SORCS1: variants seen among roughly 807,000 people sequenced by gnomAD.
SORCS1 encodes VPS10 domain-containing receptor SorCS1.
A neutral mutation model predicts 146.1 loss-of-function variants in SORCS1; 60 were observed. The observed-to-expected ratio is 0.41, with a 90% CI of 0.33 to 0.51. SORCS1 has a LOEUF of 0.51. Ranked by LOEUF, SORCS1 falls within the 20% of genes least tolerant of loss-of-function variation. The pLI, the probability that SORCS1 is intolerant of heterozygous loss-of-function variation, is 0.21. For missense variants in SORCS1, 1,352 were observed against 1,487.6 expected, an observed-to-expected ratio of 0.91 and a Z score of 1.50; for synonymous variants, 637 against 584.0, an observed-to-expected ratio of 1.09 and a Z score of -1.31.
chr10:106,987,449 T>C (rs1442852659), intron 1 of SORCS1, among the ~76,000 whole-genome samples: 4 of 152,236 alleles, frequency 2.6e-5, no homozygotes, highest in Non-Finnish European at 5.9e-5. Flanking sequence ...CTAACTTCCA[T>C]GGCTTCTTCA....
At chr10:107,018,025 C>T (rs1957970174) in intron 1 of SORCS1, among the ~76,000 whole-genome samples, 1 of 152,052 alleles carries the variant, frequency 6.6e-6, no homozygotes, top group South Asian at 2.1e-4. Flanking sequence ...GAGACAGGTG[C>T]CCACCCTATA....
chr10:106,730,117 A>C lies in SORCS1; in HGVS notation c.960-3T>G, dbSNP rs760978431. The C allele has an allele frequency of 2.5e-6, 4 of 1,613,906 alleles. No homozygotes were observed. Among genetic ancestry groups the C allele is most frequent in the Non-Finnish European group, 3.4e-6 (4 of 1,179,810 alleles). On this transcript the variant is annotated splice_polypyrimidine_tract_variant and splice_region_variant and intron_variant, in intron 5 of 25. Coordinates refer to ENST00000263054, the MANE Select transcript of SORCS1 (RefSeq NM_052918.5). ...CTTTATTTGACCCCATCACAGACCT[A>C]AAAAATGGAGAAACATGAAAAGAAA... is the stretch of plus-strand genomic sequence containing the variant.
intron 1 of SORCS1, among the ~76,000 whole-genome samples, chr10:107,091,991 A>G (rs1353439064): frequency 6.6e-6 from 1 of 152,238 alleles, no homozygotes; most frequent in African/African-American, 2.4e-5. Flanking sequence ...GAGTACCTAC[A>G]GGACCAAAAC....
intron 21 of SORCS1, among the ~76,000 whole-genome samples, chr10:106,615,534 C>A (rs1018203037): frequency 3.9e-5 from 6 of 152,122 alleles, no homozygotes; most frequent in Non-Finnish European, 7.3e-5. Context: ...GATCATGGAA[C>A]CAGGTGTGGT....
At chr10:106,642,438 G>C (rs1352557609) in intron 18 of SORCS1, among the ~76,000 whole-genome samples, 2 of 152,104 alleles carry the variant, frequency 1.3e-5, no homozygotes, top group Non-Finnish European at 2.9e-5. Context: ...GAAGATCCCT[G>C]TTTTTATAAA....
chr10:107,164,326 G>A lies in SORCS1; in HGVS notation c.201C>T (p.Ala67=). The A allele has an allele frequency of 1.9e-6, 3 of 1,553,840 alleles. No individual in the cohort carries two copies. The highest frequency in any genetic ancestry group is 2.6e-6 in the Non-Finnish European group (3 of 1,152,960). ...SHQGRPGRAP[A]TPLPLVVRPL... Reference sequence around the variant, plus strand: ...GACGCACTACGAGGGGCAGGGGCGTGGCAGGAGCCCTGCCTGGCCGCCCCT... The same window carrying A: ...GACGCACTACGAGGGGCAGGGGCGTAGCAGGAGCCCTGCCTGGCCGCCCCT... The change falls in exon 1 of 26, where the codon GCC becomes GCT. Residue 67 remains alanine, a synonymous_variant. Transcript: ENST00000263054. The surrounding 1 kb of genome is among the most constrained non-coding windows in gnomAD (Gnocchi z 6.8).
chr10:106,800,070 C>G (rs1280505581), intron 3 of SORCS1, among the ~76,000 whole-genome samples: 1 of 152,126 alleles, frequency 6.6e-6, no homozygotes, highest in Non-Finnish European at 1.5e-5. Flanking sequence ...TCAGAATTGT[C>G]TGCCTGCCCT....
chr10:106,850,065 T>G (rs2137260147), intron 2 of SORCS1, among the ~76,000 whole-genome samples: 1 of 152,162 alleles, frequency 6.6e-6, no homozygotes, highest in South Asian at 2.1e-4. Context: ...CCCCCAGAGG[T>G]GGAGTGTACA....
At chr10:106,980,378 T>C (rs1180218695) in intron 1 of SORCS1, among the ~76,000 whole-genome samples, 1 of 152,248 alleles carries the variant, frequency 6.6e-6, no homozygotes, top group Non-Finnish European at 1.5e-5. Context: ...CCAAGTTTGA[T>C]GACTTTTAGT....
chr10:106,825,228 A>ACAT (rs752678925), intron 3 of SORCS1, among the ~76,000 whole-genome samples: 22 of 151,786 alleles, frequency 1.4e-4, no homozygotes, highest in Non-Finnish European at 2.6e-4. Flanking sequence ...GGCAGAATAC[A>ACAT]CATCAACTCA....
At chr10:107,101,388 A>G (rs1042305673) in intron 1 of SORCS1, among the ~76,000 whole-genome samples, 1 of 152,204 alleles carries the variant, frequency 6.6e-6, no homozygotes, top group Non-Finnish European at 1.5e-5. Context: ...ACTATGTGAC[A>G]ATCAATGAAC....
chr10:106,613,130 C>T (rs1847119964), intron 21 of SORCS1, among the ~76,000 whole-genome samples: 9 of 151,916 alleles, frequency 5.9e-5, no homozygotes. Flanking sequence ...CATTCTATTG[C>T]TATCGTTTGT....
intron 1 of SORCS1, among the ~76,000 whole-genome samples, chr10:107,098,558 T>C (rs1964690419): frequency 6.6e-6 from 1 of 152,210 alleles, no homozygotes; most frequent in Admixed American, 6.5e-5. Flanking sequence ...AATTGAGAAT[T>C]TACTGTTTTC....
At chr10:106,664,854 G>A (rs1851009725) in intron 17 of SORCS1, among the ~76,000 whole-genome samples, 1 of 152,146 alleles carries the variant, frequency 6.6e-6, no homozygotes, top group Admixed American at 6.5e-5. Context: ...TTAGCTTGAG[G>A]GGTTTCCAAT....
chr10:107,101,916 T>C (rs547923017), intron 1 of SORCS1, among the ~76,000 whole-genome samples: 5 of 152,306 alleles, frequency 3.3e-5, no homozygotes, highest in African/African-American at 7.2e-5. Context: ...TGTATATACA[T>C]GTAACCTACA....
intron 7 of SORCS1, among the ~76,000 whole-genome samples, chr10:106,707,710 G>A (rs1296051759): frequency 6.6e-6 from 1 of 152,074 alleles, no homozygotes; most frequent in Non-Finnish European, 1.5e-5. Context: ...GTGAGAGAGG[G>A]CAGGAAGGTA....
chr10:106,982,397 T>G (rs1956277729), intron 1 of SORCS1, among the ~76,000 whole-genome samples: 1 of 152,198 alleles, frequency 6.6e-6, no homozygotes, highest in South Asian at 2.1e-4. Context: ...ACATACTGTA[T>G]ATTCATTAGC....
chr10:107,096,786 A>C (rs1964572679), intron 1 of SORCS1, among the ~76,000 whole-genome samples: 1 of 152,166 alleles, frequency 6.6e-6, no homozygotes, highest in Non-Finnish European at 1.5e-5. Context: ...TGCTGGGATT[A>C]CAGGTGTGAG....
intron 2 of SORCS1, among the ~76,000 whole-genome samples, chr10:106,937,972 G>GAAAAAAAAAAAAA (rs76116094): frequency 7.7e-6 from 1 of 129,174 alleles, no homozygotes; most frequent in African/African-American, 3.0e-5. Flanking sequence ...TCAAAAAGAA[G>GAAAAAAAAAAAAA]AAAAAAAAAA....
Sources: gnomAD v4.1 joint callset for allele counts (sites outside exome capture counted in the v4.1 genomes callset) on GRCh38, gnomAD v4.1.1 for gene constraint, Gnocchi (gnomAD v3.1) non-coding constraint, MANE v1.5 for transcripts, NCBI Gene and HGNC (gene_info 2026-07-23, HGNC 2026-07-21) for gene names.